The following MAPKAPK5 variants were observed in gnomAD, a reference collection of about 807,000 sequenced individuals.
MAPKAPK5 encodes the protein MAPK activated protein kinase 5, also known as MAP kinase-activated protein kinase 5.
Under a neutral mutation model 65.1 loss-of-function variants are expected in MAPKAPK5, and 30 were observed. The ratio of observed to expected loss-of-function variants is 0.46; its 90% CI spans 0.34 to 0.63. MAPKAPK5 has a LOEUF of 0.63. Among genes scored for constraint, MAPKAPK5 ranks in the 20% least tolerant of loss-of-function variants. The probability of loss-of-function intolerance (pLI) is 0.01; values close to 1 mark genes in which losing one functional copy is unlikely to be tolerated. For synonymous variants in MAPKAPK5, 179 were observed against 204.6 expected, an observed-to-expected ratio of 0.87 and a Z score of 1.07; for missense variants, 433 against 581.4, an observed-to-expected ratio of 0.74 and a Z score of 2.63.
At chr12:111,880,381 T>C in intron 7 of MAPKAPK5, 66 bp from the exon 8 acceptor site, 1 of 1,298,486 alleles carries the variant, frequency 7.7e-7, no homozygotes. Flanking sequence ...TAGTAGCCTG[T>C]CTCAAGGCAG....
chr12:111,864,890 TATACTTGACC>T (rs2069552962), intron 1 of MAPKAPK5, among the ~76,000 whole-genome samples: 3 of 152,238 alleles, frequency 2.0e-5, no homozygotes, highest in Admixed American at 2.0e-4. Context: ...TCTCATAAAA[TATACTTGACC>T]ATTGTAGCAA....
At chr12:111,846,675 T>TTA (rs2068916337) in intron 1 of MAPKAPK5, among the ~76,000 whole-genome samples, 1 of 151,616 alleles carries the variant, frequency 6.6e-6, no homozygotes. Context: ...ATTTTTGTAT[T>TTA]TTTAGTAGAG....
intron 8 of MAPKAPK5, 95 bp downstream of exon 8, chr12:111,880,622 C>A (rs897867070): frequency 1.9e-6 from 2 of 1,035,142 alleles, no homozygotes; most frequent in African/African-American, 3.2e-5. Context: ...CAATTCCTTT[C>A]TCACCCCTTA....
chr12:111,851,698 G>C (rs1217241633), intron 1 of MAPKAPK5, among the ~76,000 whole-genome samples: 1 of 152,232 alleles, frequency 6.6e-6, no homozygotes, highest in Non-Finnish European at 1.5e-5. Flanking sequence ...AATCCTGATA[G>C]AATGTAGTGA....
rs750631258 is a variant in MAPKAPK5 at position 111,893,068 on chromosome 12, C to T, written c.*7C>T. 1.9e-6 allele frequency: 3 copies of T among 1,541,898 alleles called. No individual in the cohort carries two copies. Among genetic ancestry groups the T allele is most frequent in the Non-Finnish European group, 2.6e-6 (3 of 1,144,994 alleles). On this transcript the variant is annotated 3_prime_UTR_variant, in exon 14 of 14. Coordinates refer to ENST00000550735, the MANE Select transcript of MAPKAPK5 (RefSeq NM_003668.4). ...GTCCCACGAATCCCAATAATGACAG[C>T]TTCAGACTTTGTTTTTTTAACAATT...
intron 2 of MAPKAPK5, among the ~76,000 whole-genome samples, chr12:111,865,665 G>A (rs1451823544): frequency 1.3e-5 from 2 of 151,594 alleles, no homozygotes; most frequent in African/African-American, 4.8e-5. Flanking sequence ...GTGAAACCCC[G>A]TCTCTCCTAA....
At chr12:111,891,564 C>CG (rs1566280975) in intron 13 of MAPKAPK5, among the ~76,000 whole-genome samples, 1 of 146,576 alleles carries the variant, frequency 6.8e-6, no homozygotes, top group East Asian at 2.1e-4. Flanking sequence ...GAGGCCAAGG[C>CG]GGGCGGATCA....
chr12:111,887,112 T>C lies in MAPKAPK5; in HGVS notation c.969+1076T>C, dbSNP rs185187682. 2.0e-5 allele frequency among the ~76,000 whole-genome samples: 3 copies of C among 152,130 alleles called. No homozygotes were observed. The East Asian group carries it at 5.8e-4, about 29-fold the overall frequency. ...GAATGAGATTTATAGGGTGGGACCA[T>C]AGTGTGGCTGTGAGCTCAAAGCGGT... is the stretch of plus-strand genomic sequence containing the variant. On this transcript the variant is annotated intron_variant, in intron 10 of 13. Transcript: ENST00000550735.
intron 1 of MAPKAPK5, among the ~76,000 whole-genome samples, chr12:111,843,793 T>C (rs1245601675): frequency 6.6e-6 from 1 of 152,170 alleles, no homozygotes; most frequent in East Asian, 1.9e-4. Flanking sequence ...ACATATACAT[T>C]AAGGAAGACC....
intron 8 of MAPKAPK5, 42 bp downstream of exon 8, chr12:111,880,569 C>T (rs2070163196): frequency 6.4e-7 from 1 of 1,571,774 alleles, no homozygotes; most frequent in South Asian, 1.1e-5. Flanking sequence ...AGATGCAGCC[C>T]CTCTCCTTTA....
intron 7 of MAPKAPK5, among the ~76,000 whole-genome samples, chr12:111,875,744 G>A (rs2069941201): frequency 6.6e-6 from 1 of 152,090 alleles, no homozygotes; most frequent in African/African-American, 2.4e-5. Context: ...TTAGCAGTTT[G>A]TTAAAAACCT....
chr12:111,872,924 A>G (rs1297720130), intron 7 of MAPKAPK5, among the ~76,000 whole-genome samples: 6 of 152,172 alleles, frequency 3.9e-5, no homozygotes, highest in African/African-American at 1.2e-4. Context: ...GGATTATAAC[A>G]TGGACATCTT....
chr12:111,869,515 G>A (rs1191080446), intron 5 of MAPKAPK5, among the ~76,000 whole-genome samples: 1 of 152,150 alleles, frequency 6.6e-6, no homozygotes, highest in Non-Finnish European at 1.5e-5. Flanking sequence ...AGGAAGCACA[G>A]CCCAATTGCT....
chr12:111,893,063 G>T lies in MAPKAPK5; in HGVS notation c.*2G>T. 6.5e-7 allele frequency: 1 copy of T among 1,547,558 alleles called. No individual in the cohort carries two copies. The highest frequency in any genetic ancestry group is 1.3e-5 in the South Asian group (1 of 79,774). ...ACCACGTCCCACGAATCCCAATAAT[G>T]ACAGCTTCAGACTTTGTTTTTTTAA... On this transcript the variant is annotated 3_prime_UTR_variant, in exon 14 of 14. Transcript: ENST00000550735.
intron 7 of MAPKAPK5, among the ~76,000 whole-genome samples, chr12:111,878,002 CTT>C (rs35586161): frequency 2.3e-3 from 328 of 140,350 alleles, no homozygotes; most frequent in African/African-American, 4.8e-3. Context: ...GACTCTGACT[CTT>C]TTTTTTTTTT....
intron 13 of MAPKAPK5, among the ~76,000 whole-genome samples, chr12:111,891,822 GAAAA>G (rs1004253329): frequency 6.7e-6 from 1 of 149,026 alleles, no homozygotes; most frequent in Admixed American, 6.7e-5. Flanking sequence ...AAAAAAAAGG[GAAAA>G]AAAAACTTGA....
At chr12:111,889,075 T>C in intron 12 of MAPKAPK5, 75 bp downstream of exon 12, 1 of 1,457,784 alleles carries the variant, frequency 6.9e-7, no homozygotes, top group Non-Finnish European at 9.3e-7. Flanking sequence ...GGTGTATGCA[T>C]GCACATGGCA....
chr12:111,862,365 G>A (rs1417514579), intron 1 of MAPKAPK5, among the ~76,000 whole-genome samples: 1 of 152,174 alleles, frequency 6.6e-6, no homozygotes, highest in African/African-American at 2.4e-5. Flanking sequence ...TCTACAAGTT[G>A]AACTTTCTTG....
chr12:111,884,463 G>T (rs1234707639), intron 9 of MAPKAPK5, among the ~76,000 whole-genome samples: 1 of 152,128 alleles, frequency 6.6e-6, no homozygotes, highest in African/African-American at 2.4e-5. Flanking sequence ...TGCCCGCCTC[G>T]GCCTTCCCAA....
Sources: gnomAD v4.1 joint callset for allele counts (sites outside exome capture counted in the v4.1 genomes callset) on GRCh38, gnomAD v4.1.1 for gene constraint, MANE v1.5 for transcripts, NCBI Gene and HGNC (gene_info 2026-07-23, HGNC 2026-07-21) for gene names.